The following LHCGR variants were observed in gnomAD, a reference collection of about 807,000 sequenced individuals.
LHCGR encodes luteinizing hormone/choriogonadotropin receptor.
Under a neutral mutation model 60.7 loss-of-function variants are expected in LHCGR, and 55 were observed. That is an observed-to-expected ratio of 0.91 (90% CI 0.73 to 1.13). LHCGR has a LOEUF of 1.13. Ranked by LOEUF, LHCGR falls within the 50% of genes most tolerant of loss-of-function variation. The pLI is 0.00. For synonymous variants in LHCGR, 337 were observed against 316.5 expected, an observed-to-expected ratio of 1.06 and a Z score of -0.69; for missense variants, 862 against 836.0, an observed-to-expected ratio of 1.03 and a Z score of -0.38.
At chr2:48,747,486 CA>C (rs1483873099) in intron 1 of LHCGR, among the ~76,000 whole-genome samples, 1 of 152,162 alleles carries the variant, frequency 6.6e-6, no homozygotes, top group Non-Finnish European at 1.5e-5. Context: ...TTGCCTGTAT[CA>C]AAAATGCGCC....
At chr2:48,749,525 A>G (rs1475726863) in intron 1 of LHCGR, among the ~76,000 whole-genome samples, 1 of 152,144 alleles carries the variant, frequency 6.6e-6, no homozygotes, top group African/African-American at 2.4e-5. Context: ...AACCTCAAGT[A>G]TAAGATCAGA....
At chr2:48,704,455 G>T in intron 8 of LHCGR, among the ~76,000 whole-genome samples, 1 of 152,190 alleles carries the variant, frequency 6.6e-6, no homozygotes, top group South Asian at 2.1e-4. Context: ...AATAGTTTCA[G>T]AAGGAATGGT....
At chr2:48,694,098 A>C in intron 10 of LHCGR, 126 bp downstream of exon 10, 1 of 698,734 alleles carries the variant, frequency 1.4e-6, no homozygotes, top group Non-Finnish European at 2.6e-6. Flanking sequence ...TTTTAAAACT[A>C]TTAAAAGTTG....
At chr2:48,747,844 C>G (rs1445359527) in intron 1 of LHCGR, among the ~76,000 whole-genome samples, 1 of 152,166 alleles carries the variant, frequency 6.6e-6, no homozygotes, top group Non-Finnish European at 1.5e-5. Flanking sequence ...GAGCCCCACC[C>G]AAGGTTTCCA....
intron 3 of LHCGR, 59 bp downstream of exon 3, chr2:48,729,094 G>A: frequency 7.9e-7 from 1 of 1,267,186 alleles, no homozygotes; most frequent in Non-Finnish European, 1.2e-6. Flanking sequence ...TACCAAGTGG[G>A]CTCCAGCCAG....
At chr2:48,699,532 C>T (rs1433180480) in intron 8 of LHCGR, among the ~76,000 whole-genome samples, 1 of 152,196 alleles carries the variant, frequency 6.6e-6, no homozygotes, top group Non-Finnish European at 1.5e-5. Flanking sequence ...TTATTCAGGG[C>T]TTCAGATGCC....
chr2:48,704,043 T>C (rs1049568413), intron 8 of LHCGR, among the ~76,000 whole-genome samples: 1 of 152,192 alleles, frequency 6.6e-6, no homozygotes, highest in East Asian at 1.9e-4. Flanking sequence ...ATAGCTCTTA[T>C]TATTTTGAGA....
intron 1 of LHCGR, among the ~76,000 whole-genome samples, chr2:48,736,557 C>A (rs371253826): frequency 6.6e-6 from 1 of 152,152 alleles, no homozygotes; most frequent in African/African-American, 2.4e-5. Context: ...GGGGCTTGGG[C>A]CCCTCTTCTT....
intron 8 of LHCGR, among the ~76,000 whole-genome samples, chr2:48,699,034 C>T (rs963220423): frequency 2.0e-5 from 3 of 151,952 alleles, no homozygotes; most frequent in Non-Finnish European, 2.9e-5. Context: ...CCGTGTTAGC[C>T]AGGATGGTGT....
chr2:48,734,630 T>G (rs1419537953), intron 1 of LHCGR, among the ~76,000 whole-genome samples: 1 of 152,328 alleles, frequency 6.6e-6, no homozygotes, highest in African/African-American at 2.4e-5. Context: ...TTAGGCATAC[T>G]TGTATTCCAA....
At chr2:48,747,758 C>T (rs75321984) in intron 1 of LHCGR, among the ~76,000 whole-genome samples, 10 of 152,266 alleles carry the variant, frequency 6.6e-5, no homozygotes, top group Non-Finnish European at 7.4e-5. Flanking sequence ...TCTTATCCTT[C>T]TATTAAGTTA....
At position 48,687,401 on chromosome 2, in the gene LHCGR, A is replaced by C; in HGVS notation, c.*296T>G. Reference sequence around the variant, plus strand: ...TACGAAAATGAAAAAAAAGATATGCAAAATACCTCCTCAGTTTTTTAAAAG... The same window carrying C: ...TACGAAAATGAAAAAAAAGATATGCCAAATACCTCCTCAGTTTTTTAAAAG... On this transcript the variant is annotated 3_prime_UTR_variant, in exon 11 of 11. Coordinates refer to ENST00000294954, the MANE Select transcript of LHCGR (RefSeq NM_000233.4). The C allele has an allele frequency of 3.0e-6, 1 of 337,758 alleles. No individual in the cohort carries two copies. Among genetic ancestry groups the C allele is most frequent in the South Asian group, 4.6e-5 (1 of 21,616 alleles). 20.9% of individuals were successfully genotyped at this position (337,758 alleles called of 1,614,324 possible).
chr2:48,715,939 A>G (rs1668228253), intron 6 of LHCGR, among the ~76,000 whole-genome samples: 1 of 152,170 alleles, frequency 6.6e-6, no homozygotes, highest in African/African-American at 2.4e-5. Context: ...AGCTCAGTCA[A>G]TAGCCTGAGT....
chr2:48,700,151 T>C (rs913691013), intron 8 of LHCGR, among the ~76,000 whole-genome samples: 1 of 152,236 alleles, frequency 6.6e-6, no homozygotes. Flanking sequence ...ACCAGGGTTC[T>C]CATTCTGCTT....
chr2:48,743,125 T>C (rs988810071), intron 1 of LHCGR, among the ~76,000 whole-genome samples: 2 of 152,124 alleles, frequency 1.3e-5, no homozygotes, highest in African/African-American at 4.8e-5. Context: ...CACATACACT[T>C]TTCCAAGACT....
At chr2:48,715,071 G>A (rs776439173) in intron 6 of LHCGR, among the ~76,000 whole-genome samples, 6 of 152,038 alleles carry the variant, frequency 3.9e-5, no homozygotes, top group South Asian at 2.1e-4. Flanking sequence ...ATTTCGTGTC[G>A]TGTTCTCAGT....
intron 7 of LHCGR, among the ~76,000 whole-genome samples, chr2:48,713,697 GA>G (rs1668106368): frequency 6.6e-6 from 1 of 152,170 alleles, no homozygotes; most frequent in South Asian, 2.1e-4. Context: ...CAACCTGAGT[GA>G]GGGGGCTAGA....
intron 8 of LHCGR, among the ~76,000 whole-genome samples, chr2:48,707,215 C>G (rs563639307): frequency 6.6e-6 from 1 of 152,330 alleles, no homozygotes; most frequent in South Asian, 2.1e-4. Flanking sequence ...CTGGATATCA[C>G]CAGCAGAGGC....
intron 2 of LHCGR, 43 bp from the exon 3 acceptor site, chr2:48,729,270 G>C: frequency 7.0e-7 from 1 of 1,430,050 alleles, no homozygotes; most frequent in Non-Finnish European, 9.8e-7. Context: ...AAACATGAAA[G>C]AAATGACCGT....
Sources: gnomAD v4.1 joint callset for allele counts (sites outside exome capture counted in the v4.1 genomes callset) on GRCh38, gnomAD v4.1.1 for gene constraint, MANE v1.5 for transcripts, NCBI Gene and HGNC (gene_info 2026-07-23, HGNC 2026-07-21) for gene names.